The following WWOX variants were observed in gnomAD, a reference collection of about 807,000 sequenced individuals.
WWOX encodes the protein WW domain containing oxidoreductase, also known as WW domain-containing oxidoreductase.
WWOX carries 69 observed loss-of-function variants against 46.2 expected under a neutral mutation model. The ratio of observed to expected loss-of-function variants is 1.49; its 90% CI spans 1.23 to 1.82. WWOX has a LOEUF of 1.82. WWOX is among the 40% of genes most tolerant of loss of function. The pLI is 0.00. For missense variants in WWOX, 919 were observed against 542.6 expected (o/e 1.69, Z -6.89); for synonymous variants, 359 against 202.6 (o/e 1.77, Z -6.56).
intron 8 of WWOX, among the ~76,000 whole-genome samples, chr16:78,457,582 TACA>T (rs1322945315): frequency 6.6e-6 from 1 of 152,144 alleles, no homozygotes; most frequent in East Asian, 1.9e-4. Flanking sequence ...ACTCTGCATT[TACA>T]ACATTTGTGG....
chr16:78,447,740 G>A (rs2083595152), intron 8 of WWOX, among the ~76,000 whole-genome samples: 1 of 152,184 alleles, frequency 6.6e-6, no homozygotes. Context: ...AGGGGTACTG[G>A]AGGAAGGCAG....
chr16:78,800,336 C>T (rs2050853836), intron 8 of WWOX, among the ~76,000 whole-genome samples: 1 of 151,940 alleles, frequency 6.6e-6, no homozygotes, highest in East Asian at 1.9e-4. Context: ...GTGCTTTTAA[C>T]ACAAAGACAA....
chr16:78,906,203 T>A (rs2044959822), intron 8 of WWOX, among the ~76,000 whole-genome samples: 1 of 152,156 alleles, frequency 6.6e-6, no homozygotes, highest in African/African-American at 2.4e-5. Flanking sequence ...GCCACTGGTG[T>A]GGTGAGTTAT....
At chr16:78,973,254 GT>G (rs2046507024) in intron 8 of WWOX, among the ~76,000 whole-genome samples, 1 of 152,196 alleles carries the variant, frequency 6.6e-6, no homozygotes, top group Non-Finnish European at 1.5e-5. Flanking sequence ...CTCGTAATGA[GT>G]AATTAAGCCG....
chr16:79,072,928 A>T (rs1179077411), intron 8 of WWOX, among the ~76,000 whole-genome samples: 2 of 152,110 alleles, frequency 1.3e-5, no homozygotes, highest in Non-Finnish European at 2.9e-5. Flanking sequence ...AGCTAAGTGG[A>T]AGTGTTTTCC....
At chr16:78,452,368 C>G (rs1033163924) in intron 8 of WWOX, among the ~76,000 whole-genome samples, 1 of 152,012 alleles carries the variant, frequency 6.6e-6, no homozygotes, top group African/African-American at 2.4e-5. Flanking sequence ...TGCCAGCAGA[C>G]CAGATGGCAG....
At chr16:78,802,838 C>G (rs2050925404) in intron 8 of WWOX, among the ~76,000 whole-genome samples, 1 of 143,162 alleles carries the variant, frequency 7.0e-6, no homozygotes, top group African/African-American at 2.6e-5. Flanking sequence ...ATTGCTTGAA[C>G]CCAGGAGGGA....
chr16:78,949,836 A>C (rs1245433357), intron 8 of WWOX, among the ~76,000 whole-genome samples: 1 of 152,216 alleles, frequency 6.6e-6, no homozygotes, highest in Non-Finnish European at 1.5e-5. Flanking sequence ...GTAGATTCTG[A>C]CATGTCACTC....
At chr16:78,249,360 C>T (rs924220713) in intron 5 of WWOX, among the ~76,000 whole-genome samples, 2 of 152,218 alleles carry the variant, frequency 1.3e-5, no homozygotes, top group Admixed American at 6.5e-5. Context: ...CTTTGCCAGG[C>T]GTGGGCCAGA....
chr16:78,893,142 G>A (rs975773144), intron 8 of WWOX, among the ~76,000 whole-genome samples: 1 of 151,892 alleles, frequency 6.6e-6, no homozygotes, highest in African/African-American at 2.4e-5. Context: ...GGCTCTCCAG[G>A]CTGACAGGGT....
intron 8 of WWOX, among the ~76,000 whole-genome samples, chr16:78,933,564 T>C (rs1465171336): frequency 6.6e-6 from 1 of 152,208 alleles, no homozygotes; most frequent in African/African-American, 2.4e-5. Flanking sequence ...AGACATGAAT[T>C]AGCCCATTTT....
rs2032700124 is a variant in WWOX at position 78,114,989 on chromosome 16, A to G, written c.244A>G (p.Arg82Gly). 5 of 1,614,222 alleles carry G rather than the reference A, an allele frequency of 3.1e-6. No homozygotes were observed. In the East Asian group the frequency reaches 1.1e-4, roughly 36 times the overall value. Residue 82 changes from arginine to glycine, a missense_variant, in exon 4 of 9, where the codon AGA (arginine) becomes GGA (glycine). Coordinates refer to ENST00000566780, the MANE Select transcript of WWOX (RefSeq NM_016373.4). ...TCTTTTGGGCAGCCATATAAATAAAAGAACCACCTACTTGGACCCAAGACT... is the reference window on the plus strand; with the variant it reads ...TCTTTTGGGCAGCCATATAAATAAAGGAACCACCTACTTGGACCCAAGACT... ...QVFFVDHINK[R>G]TTYLDPRLAF... is the part of the protein sequence containing the mutation.
intron 3 of WWOX, among the ~76,000 whole-genome samples, chr16:78,114,724 A>G (rs1343462177): frequency 2.0e-5 from 3 of 148,154 alleles, no homozygotes; most frequent in Admixed American, 6.6e-5. Context: ...ATACATGGCA[A>G]TAGTTATTGT....
intron 6 of WWOX, among the ~76,000 whole-genome samples, chr16:78,407,536 C>G (rs1296892515): frequency 4.6e-5 from 7 of 152,172 alleles, no homozygotes; most frequent in Non-Finnish European, 1.5e-5. Flanking sequence ...AACTCAACCC[C>G]ATGGTGGTGT....
intron 8 of WWOX, among the ~76,000 whole-genome samples, chr16:78,754,959 A>T (rs1482301427): frequency 6.7e-6 from 1 of 149,172 alleles, no homozygotes; most frequent in African/African-American, 2.5e-5. Flanking sequence ...AGAGCCAGCC[A>T]TTTATACTAT....
chr16:79,051,078 C>A (rs1567515541), intron 8 of WWOX, among the ~76,000 whole-genome samples: 1 of 152,192 alleles, frequency 6.6e-6, no homozygotes, highest in African/African-American at 2.4e-5. Context: ...ATATTTGCTG[C>A]CATCACAACA....
chr16:78,955,635 T>C (rs529163770), intron 8 of WWOX, among the ~76,000 whole-genome samples: 3 of 152,214 alleles, frequency 2.0e-5, no homozygotes, highest in African/African-American at 7.2e-5. Context: ...TGTTTCTTTT[T>C]ATTTTTAAAA....
At chr16:78,977,291 A>G (rs2046591549) in intron 8 of WWOX, among the ~76,000 whole-genome samples, 1 of 152,146 alleles carries the variant, frequency 6.6e-6, no homozygotes, top group Non-Finnish European at 1.5e-5. Flanking sequence ...CTTAAATTTA[A>G]ATGGCCTCCC....
chr16:78,317,277 C>T (rs1300559068), intron 5 of WWOX, among the ~76,000 whole-genome samples: 3 of 152,190 alleles, frequency 2.0e-5, no homozygotes, highest in African/African-American at 7.2e-5. Flanking sequence ...CTCTCTCTCT[C>T]TCTGTCTGTC....
Sources: allele counts gnomAD v4.1 joint callset (sites outside exome capture counted in the v4.1 genomes callset), GRCh38; gene constraint gnomAD v4.1.1; transcripts MANE v1.5; gene names NCBI Gene and HGNC (gene_info 2026-07-23, HGNC 2026-07-21).